Variants in BEND2 observed in about 807,000 individuals in gnomAD.
BEND2 encodes the protein BEN domain-containing protein 2.
A neutral mutation model predicts 43.8 loss-of-function variants in BEND2; 19 were observed. The observed-to-expected ratio is 0.43, with a 90% CI of 0.30 to 0.64. The LOEUF is 0.64. BEND2 is among the 30% of genes least tolerant of loss of function. BEND2 has a pLI of 0.11. For synonymous variants in BEND2, 226 were observed against 210.1 expected (o/e 1.08, Z -0.66); for missense variants, 544 against 574.0 (o/e 0.95, Z 0.53).
rs781541931 is a variant in BEND2, at chrX:18,184,413, T to C, written c.1289-3763A>G. ...AGGAGAATCTCTTGAGCCCGGGAGG[T>C]GGAGATTGCAGTGAGCAGAGATCAC... On this transcript the variant is annotated intron_variant, in intron 8 of 13. Coordinates refer to ENST00000380033, the MANE Select transcript of BEND2 (RefSeq NM_153346.5). Among the ~76,000 whole-genome samples, 15 of 111,452 alleles carry C rather than the reference T, an allele frequency of 1.3e-4. No homozygotes were observed. The South Asian group carries it at 5.8e-3, about 43-fold the overall frequency.
rs1226606126 is a variant in BEND2 at position 18,174,201 on chromosome X, T to C, written c.1810A>G (p.Arg604Gly). ...TNRVASASAD[R>G]NDQRGRDGGE... ...CCATCTCTGCCCCTTTGGTCATTTC[T>C]ATCTGCAGATGCCGATGCAACACGG... Residue 604 changes from arginine (R) to glycine (G), a missense_variant, in exon 12 of 14, where the codon AGA becomes GGA. By Grantham distance (125) the Arg-to-Gly change is moderately radical (BLOSUM62 -2). Around this residue, in one of 2 missense-constraint regions of BEND2, gnomAD observed 501 missense variants for 501.6 expected, o/e 1.00. Coordinates refer to ENST00000380033, the MANE Select transcript of BEND2 (RefSeq NM_153346.5). 6 of 1,212,074 alleles carry C rather than the reference T, an allele frequency of 5.0e-6. No individual in the cohort carries two copies. The highest frequency in any genetic ancestry group is 3.5e-5 in the South Asian group (2 of 57,004).
chrX:18,182,289 G>A (rs1156491894), intron 8 of BEND2, among the ~76,000 whole-genome samples: 1 of 110,597 alleles, frequency 9.0e-6, no homozygotes, highest in Non-Finnish European at 1.9e-5. Flanking sequence ...GCCACCATGT[G>A]AAGAAGGTGC....
chrX:18,184,122 T>A (rs1039421861), intron 8 of BEND2, among the ~76,000 whole-genome samples: 7 of 111,109 alleles, frequency 6.3e-5, no homozygotes, highest in Non-Finnish European at 1.1e-4. Context: ...CACAGGGGTG[T>A]TTGTGTCACC....
intron 6 of BEND2, among the ~76,000 whole-genome samples, chrX:18,199,003 G>A (rs1380087616): frequency 1.1e-5 from 1 of 93,035 alleles, no homozygotes; most frequent in Non-Finnish European, 2.1e-5. Context: ...ATTGAACAAT[G>A]AGAACACATG....
intron 8 of BEND2, among the ~76,000 whole-genome samples, chrX:18,184,719 G>GACAACAATA (rs1315626622): frequency 1.1e-4 from 12 of 111,176 alleles, no homozygotes; most frequent in African/African-American, 3.9e-4. Flanking sequence ...AGACAGCAAA[G>GACAACAATA]ACAACAATAA....
At chrX:18,192,315 T>C (rs980376555) in intron 7 of BEND2, among the ~76,000 whole-genome samples, 1 of 111,495 alleles carries the variant, frequency 9.0e-6, no homozygotes, top group African/African-American at 3.3e-5. Context: ...CATTCTCACA[T>C]GAGGGAAAAC....
intron 9 of BEND2, among the ~76,000 whole-genome samples, chrX:18,179,151 T>TCAGTA (rs1392685902): frequency 2.8e-5 from 3 of 108,320 alleles, no homozygotes; most frequent in African/African-American, 1.0e-4. Flanking sequence ...AGTGCCCATT[T>TCAGTA]CAGTACAGAG....
In BEND2 at chrX:18,174,137, T is replaced by C; in HGVS notation, c.1874A>G (p.Asn625Ser). The change falls in exon 12 of 14, where the codon AAC becomes AGC. Residue 625 changes from asparagine (N) to serine (S), a missense_variant. By Grantham distance (46) the Asn-to-Ser change is conservative. Coordinates refer to ENST00000380033, the MANE Select transcript of BEND2 (RefSeq NM_153346.5). ...GTTCCTCTTTTCTCTCATTTTGGAG[T>C]TATTCATTGGCTGAAACATCCAAGA... ...GCSWMFQPMN[N>S]SKMREKRNLQ... 1 of 1,211,367 alleles carries C rather than the reference T, an allele frequency of 8.3e-7. No homozygotes were observed. The highest frequency in any genetic ancestry group is 1.1e-6 in the Non-Finnish European group (1 of 895,012).
intron 8 of BEND2, among the ~76,000 whole-genome samples, chrX:18,189,520 C>T (rs1296001044): frequency 4.5e-5 from 5 of 110,710 alleles, no homozygotes; most frequent in Non-Finnish European, 7.5e-5. Context: ...GAGCATTCAT[C>T]ATGACCAAGT....
chrX:18,213,438 T>C (rs1006468445), intron 3 of BEND2, among the ~76,000 whole-genome samples: 2 of 111,599 alleles, frequency 1.8e-5, no homozygotes, highest in Non-Finnish European at 3.8e-5. Context: ...AGGGCAGTAA[T>C]GAGAGGCACA....
At chrX:18,194,246 C>A (rs1054314469) in intron 7 of BEND2, among the ~76,000 whole-genome samples, 1 of 111,483 alleles carries the variant, frequency 9.0e-6, no homozygotes, top group Admixed American at 9.6e-5. Flanking sequence ...CATGCTAGTA[C>A]CATAAGACTC....
chrX:18,168,223 C>G (rs772474327), intron 13 of BEND2, among the ~76,000 whole-genome samples: 1 of 111,809 alleles, frequency 8.9e-6, no homozygotes, highest in South Asian at 3.8e-4. Flanking sequence ...CTCTCTCACT[C>G]GGTTCTGAAC....
intron 5 of BEND2, among the ~76,000 whole-genome samples, 155 bp downstream of exon 5, chrX:18,203,344 ATC>A (rs1925226191): frequency 8.9e-6 from 1 of 112,298 alleles, no homozygotes; most frequent in South Asian, 3.8e-4. Flanking sequence ...GGGAAAGGGT[ATC>A]TCTCTGTATT....
rs144211673 is a variant in BEND2 at position 18,199,932 on chromosome X, G to A, written c.1033+1883C>T. 9.8e-3 allele frequency among the ~76,000 whole-genome samples: 1,095 copies of A among 111,557 alleles called. 14 individuals carry two copies. The highest frequency in any genetic ancestry group is 0.033 in the African/African-American group (1,029 of 30,783). Reference sequence around the variant, plus strand: ...ACTGGATCACTCATGCATTGCTGGTGGAAATGGAAGATAATACAGACTCTC... The same window carrying A: ...ACTGGATCACTCATGCATTGCTGGTAGAAATGGAAGATAATACAGACTCTC... On this transcript the variant is annotated intron_variant, in intron 6 of 13. Coordinates refer to ENST00000380033, the MANE Select transcript of BEND2 (RefSeq NM_153346.5).
intron 4 of BEND2, among the ~76,000 whole-genome samples, chrX:18,204,487 A>G (rs1343786495): frequency 1.8e-5 from 2 of 112,558 alleles, no homozygotes; most frequent in African/African-American, 6.5e-5. Context: ...AAGACGGTCA[A>G]CCTGCATAGT....
chrX:18,220,534 C>T (rs1260116463), intron 1 of BEND2, among the ~76,000 whole-genome samples, 192 bp downstream of exon 1: 1 of 111,985 alleles, frequency 8.9e-6, no homozygotes, highest in Non-Finnish European at 1.9e-5. Flanking sequence ...GTCCACCACG[C>T]CAAATTTCCC....
chrX:18,166,654 G>T (rs1756812417), intron 13 of BEND2, among the ~76,000 whole-genome samples: 1 of 111,170 alleles, frequency 9.0e-6, no homozygotes, highest in East Asian at 2.8e-4. Context: ...GCAGTGGCCA[G>T]GACGAACGGA....
chrX:18,165,501 C>A (rs1015420168), intron 13 of BEND2, among the ~76,000 whole-genome samples: 2 of 111,484 alleles, frequency 1.8e-5, no homozygotes, highest in African/African-American at 6.5e-5. Context: ...CCTTGAGTAC[C>A]CAAGGTCAAC....
chrX:18,201,997 T>C lies in BEND2; in HGVS notation c.908-57A>G. The C allele has an allele frequency of 2.8e-6, 3 of 1,080,840 alleles. No homozygotes were observed. The East Asian group carries it at 9.7e-5, about 35-fold the overall frequency. 89.1% of individuals were successfully genotyped at this position (1,080,840 alleles called of 1,213,427 possible). A position where few individuals can be genotyped will look rare whatever the true frequency, so the allele number is the denominator to read the frequency against. On this transcript the variant is annotated intron_variant, in intron 5 of 13. Transcript: ENST00000380033. Reference sequence around the variant, plus strand: ...ACAAGAACTTCACCCACAAATTCTATACAAAGCAAAATTATCCTTCAAGAA... The same window carrying C: ...ACAAGAACTTCACCCACAAATTCTACACAAAGCAAAATTATCCTTCAAGAA...
Sources: allele counts gnomAD v4.1 joint callset (sites outside exome capture counted in the v4.1 genomes callset), GRCh38; gene constraint gnomAD v4.1.1; regional missense constraint gnomAD v4.1.1; transcripts MANE v1.5; gene names NCBI Gene and HGNC (gene_info 2026-07-23, HGNC 2026-07-21).